The following DAGLA variants were observed in gnomAD, a reference collection of about 807,000 sequenced individuals.
DAGLA encodes diacylglycerol lipase alpha.
Under a neutral mutation model 102.6 loss-of-function variants are expected in DAGLA, and 22 were observed. The ratio of observed to expected loss-of-function variants is 0.21; its 90% confidence interval spans 0.15 to 0.31. DAGLA has a LOEUF of 0.31. Among genes scored for constraint, DAGLA ranks in the 10% least tolerant of loss-of-function variants. DAGLA has a pLI of 1.00. For synonymous variants in DAGLA, 578 were observed against 628.9 expected (o/e 0.92, Z 1.21); for missense variants, 927 against 1,446.6 (o/e 0.64, Z 5.83).
At chr11:61,698,260 T>C (rs1159955156) in intron 1 of DAGLA, among the ~76,000 whole-genome samples, 2 of 152,200 alleles carry the variant, frequency 1.3e-5, no homozygotes, top group Non-Finnish European at 2.9e-5. Context: ...CTGTGGTGCC[T>C]CTGCAGCTTG....
At chr11:61,681,899 C>G (rs758169834) in intron 1 of DAGLA, among the ~76,000 whole-genome samples, 1 of 152,160 alleles carries the variant, frequency 6.6e-6, no homozygotes, top group African/African-American at 2.4e-5. Context: ...TGCAGCTCCT[C>G]CTAGAGAAGT....
intron 1 of DAGLA, among the ~76,000 whole-genome samples, chr11:61,709,711 TG>T (rs534523427): frequency 3.2e-4 from 48 of 152,136 alleles, no homozygotes; most frequent in African/African-American, 9.6e-4. Flanking sequence ...CCAGTCTCTG[TG>T]GGGGCAGGGG....
intron 1 of DAGLA, among the ~76,000 whole-genome samples, chr11:61,714,191 G>T (rs1018577369): frequency 6.6e-6 from 1 of 152,196 alleles, no homozygotes; most frequent in Non-Finnish European, 1.5e-5. Flanking sequence ...ATTTACTGGG[G>T]CCTAGAGGGG....
chr11:61,711,299 G>A lies in DAGLA; in HGVS notation c.-44-8813G>A, dbSNP rs189738674. ...CCCATCACAGAGGCCAGCAGAACCC[G>A]CCTGTCTGGGCCTCTCCAGAGGGGA... On this transcript the variant is annotated intron_variant, in intron 1 of 19. Transcript: ENST00000257215. Among the ~76,000 whole-genome samples the A allele has an allele frequency of 6.2e-3, 945 of 152,328 alleles. 7 individuals carry two copies. Among genetic ancestry groups the A allele is most frequent in the Admixed American group, 0.027 (417 of 15,300 alleles).
At chr11:61,703,092 C>T (rs553137232) in intron 1 of DAGLA, among the ~76,000 whole-genome samples, 153 of 152,140 alleles carry the variant, frequency 1.0e-3, no homozygotes, top group Admixed American at 2.0e-3. Context: ...GTGGCTCCTA[C>T]GTTCTCCTGT....
chr11:61,729,535 C>T (rs531198774), intron 8 of DAGLA, among the ~76,000 whole-genome samples: 31 of 151,172 alleles, frequency 2.1e-4, no homozygotes, highest in Non-Finnish European at 3.4e-4. Flanking sequence ...AGCTGGCAGC[C>T]GGGAGAAACA....
chr11:61,746,398 C>T lies in DAGLA; in HGVS notation c.*1909C>T, dbSNP rs1228447694. On this transcript the variant is annotated 3_prime_UTR_variant, in exon 20 of 20. Transcript: ENST00000257215. The stretch of plus-strand genomic sequence containing the variant: ...CACCGTGGCCAGTCACAGGGAGAGA[C>T]TTGATGTCTGGCCTTTTAATTCCTC... 2 of 152,588 alleles carry T rather than the reference C, an allele frequency of 1.3e-5. No homozygotes were observed. The highest frequency in any genetic ancestry group is 2.9e-5 in the Non-Finnish European group (2 of 68,060). The allele number at this position is 152,588 out of a possible 1,614,324, so 9.5% of individuals were successfully genotyped here.
At chr11:61,736,371 C>T in intron 13 of DAGLA, 21 bp downstream of exon 13, 1 of 1,606,656 alleles carries the variant, frequency 6.2e-7, no homozygotes, top group Non-Finnish European at 8.5e-7. Flanking sequence ...TTCCATGGCA[C>T]CAAGCCTTTT....
At chr11:61,692,387 C>G (rs889639837) in intron 1 of DAGLA, among the ~76,000 whole-genome samples, 13 of 151,444 alleles carry the variant, frequency 8.6e-5, no homozygotes, top group African/African-American at 2.7e-4. Context: ...GATTGGTTAA[C>G]TCCAGCCTCA....
Position 61,734,259 on chromosome 11 carries a change from G to A in DAGLA, c.975-590G>A, listed in dbSNP as rs1414605710. 1.1e-5 allele frequency among the ~76,000 whole-genome samples: 1 copy of A among 93,934 alleles called. No homozygotes were observed. The highest frequency in any genetic ancestry group is 2.7e-4 in the East Asian group (1 of 3,664). The allele number at this position is 93,934 out of a possible 152,430, so 61.6% of individuals were successfully genotyped here. On this transcript the variant is annotated intron_variant, in intron 9 of 19. Coordinates refer to ENST00000257215, the MANE Select transcript of DAGLA (RefSeq NM_006133.3). The surrounding 1 kb of genome is among the most constrained non-coding windows in gnomAD (Gnocchi z 4.2). ...TGTACTGACCGAGTGGCATGGCCGT[G>A]GGGGTGAGGGCTGAGGAGCCACAGA...
chr11:61,733,120 G>A (rs2065390509), intron 9 of DAGLA, among the ~76,000 whole-genome samples: 1 of 152,264 alleles, frequency 6.6e-6, no homozygotes, highest in African/African-American at 2.4e-5. Context: ...GCCTTGTGAA[G>A]TAGCTGTCAC....
chr11:61,746,325 T>G lies in DAGLA; in HGVS notation c.*1836T>G, dbSNP rs1008462214. 6.6e-6 allele frequency: 1 copy of G among 152,452 alleles called. No individual in the cohort carries two copies. The highest frequency in any genetic ancestry group is 1.5e-5 in the Non-Finnish European group (1 of 68,046). 9.4% of individuals were successfully genotyped at this position (152,452 alleles called of 1,614,324 possible). On this transcript the variant is annotated 3_prime_UTR_variant, in exon 20 of 20. Transcript: ENST00000257215. Reference sequence around the variant, plus strand: ...AGAAGCAAGACAAAATCAGTGGCTCTTAGAGTTTAGAAAACAAGACAGACT... The same window carrying G: ...AGAAGCAAGACAAAATCAGTGGCTCGTAGAGTTTAGAAAACAAGACAGACT...
chr11:61,744,065 T>C lies in DAGLA; in HGVS notation c.2705T>C (p.Leu902Pro), dbSNP rs1039568670. 2 of 1,612,666 alleles carry C rather than the reference T, an allele frequency of 1.2e-6. No homozygotes were observed. The highest frequency in any genetic ancestry group is 2.7e-5 in the African/African-American group (2 of 74,902). ...GAGCTGGCGCTGCACAATGGGCGCC[T>C]GGGGGACTCGCCCAGTCCTCAGGTG... ...RGELALHNGR[L>P]GDSPSPQVLE... The change falls in exon 20 of 20, where the codon CTG (leucine) becomes CCG (proline). Residue 902 changes from leucine (L) to proline (P), a missense_variant. Transcript: ENST00000257215.
intron 5 of DAGLA, among the ~76,000 whole-genome samples, chr11:61,725,631 AG>A (rs2065318864): frequency 6.6e-6 from 1 of 152,192 alleles, no homozygotes; most frequent in East Asian, 1.9e-4. Context: ...CCTGAGCTGC[AG>A]GGTAGCCCCC....
intron 5 of DAGLA, among the ~76,000 whole-genome samples, chr11:61,725,086 G>A (rs180980063): frequency 1.3e-5 from 2 of 152,234 alleles, no homozygotes; most frequent in East Asian, 3.9e-4. Flanking sequence ...GCATATGAGG[G>A]CCACCCTTGC....
At chr11:61,727,901 C>T (rs148219499) in intron 6 of DAGLA, among the ~76,000 whole-genome samples, 19 of 152,250 alleles carry the variant, frequency 1.2e-4, no homozygotes, top group African/African-American at 4.6e-4. Context: ...GGGCACCATG[C>T]GAATTCCAAG....
At chr11:61,719,441 G>C (rs1233878370) in intron 1 of DAGLA, among the ~76,000 whole-genome samples, 2 of 152,182 alleles carry the variant, frequency 1.3e-5, no homozygotes, top group Non-Finnish European at 2.9e-5. Context: ...GCATAGCTGT[G>C]GTGGGGACTT....
At chr11:61,695,134 G>A (rs2065054346) in intron 1 of DAGLA, among the ~76,000 whole-genome samples, 1 of 152,188 alleles carries the variant, frequency 6.6e-6, no homozygotes, top group African/African-American at 2.4e-5. Context: ...CTAAAGTGGT[G>A]CCCAGCCTCC....
chr11:61,691,385 T>G (rs2065023371), intron 1 of DAGLA, among the ~76,000 whole-genome samples: 1 of 152,236 alleles, frequency 6.6e-6, no homozygotes, highest in Admixed American at 6.5e-5. Context: ...AGCACAGCTA[T>G]TCTCTGTCTC....
Sources: gnomAD v4.1 joint callset for allele counts (sites outside exome capture counted in the v4.1 genomes callset) on GRCh38, gnomAD v4.1.1 for gene constraint, Gnocchi (gnomAD v3.1) non-coding constraint, MANE v1.5 for transcripts, NCBI Gene and HGNC (gene_info 2026-07-23, HGNC 2026-07-21) for gene names.